CCT3: variants seen among roughly 807,000 people sequenced by gnomAD.
CCT3 encodes T-complex protein 1 subunit gamma.
CCT3 carries 10 observed loss-of-function variants against 65.3 expected under a neutral mutation model. That is an observed-to-expected ratio of 0.15 (90% CI 0.09 to 0.26). The LOEUF (loss-of-function observed/expected upper bound fraction) is 0.26, where lower values mean the gene tolerates loss of function less well. Ranked by LOEUF, CCT3 falls within the 10% of genes least tolerant of loss-of-function variation. The pLI is 1.00. For synonymous variants in CCT3, 225 were observed against 242.3 expected (o/e 0.93, Z 0.66); for missense variants, 626 against 708.7 (o/e 0.88, Z 1.33).
At chr1:156,324,545 C>T (rs1664720752) in intron 6 of CCT3, among the ~76,000 whole-genome samples, 1 of 152,084 alleles carries the variant, frequency 6.6e-6, no homozygotes, top group Admixed American at 6.6e-5. Flanking sequence ...GATCTTGGCT[C>T]ACTGCAATCT....
At chr1:156,330,230 C>CCT (rs1665050707) in intron 5 of CCT3, among the ~76,000 whole-genome samples, 1 of 152,204 alleles carries the variant, frequency 6.6e-6, no homozygotes, top group African/African-American at 2.4e-5. Context: ...TTTCCTCCCT[C>CCT]CTCTTTCATC....
intron 5 of CCT3, among the ~76,000 whole-genome samples, chr1:156,326,905 G>A (rs1310851126): frequency 2.0e-5 from 3 of 152,054 alleles, no homozygotes; most frequent in African/African-American, 7.2e-5. Context: ...AATTAGCCAG[G>A]TGTGTTGGTG....
intron 5 of CCT3, among the ~76,000 whole-genome samples, chr1:156,330,106 T>C (rs1188765785): frequency 2.6e-5 from 4 of 152,218 alleles, no homozygotes; most frequent in African/African-American, 7.2e-5. Flanking sequence ...GGATACTTAT[T>C]CTACCCACTA....
Position 156,309,135 on chromosome 1 carries a change from A to C in CCT3, c.*64T>G, listed in dbSNP as rs895197444. 2.8e-6 allele frequency: 3 copies of C among 1,090,264 alleles called. No individual in the cohort carries two copies. The African/African-American group carries it at 4.6e-5, about 17-fold the overall frequency. 67.5% of individuals were successfully genotyped at this position (1,090,264 alleles called of 1,614,324 possible). On this transcript the variant is annotated 3_prime_UTR_variant, in exon 14 of 14. Coordinates refer to ENST00000295688, the MANE Select transcript of CCT3 (RefSeq NM_005998.5). ...CAAAGACGTCCACAGTGTTCCTGGC[A>C]CTCTGGCTCAGGAAAAGGGGAGACT...
rs566064505 is a variant in CCT3, at chr1:156,330,367, T to A, written c.304+3180A>T. Reference sequence around the variant, plus strand: ...TTTATTCAACTCACCATTCTTAAAATGCAGTACAATAGGGCCAGGCGCTAT... The same window carrying A: ...TTTATTCAACTCACCATTCTTAAAAAGCAGTACAATAGGGCCAGGCGCTAT... On this transcript the variant is annotated intron_variant, in intron 5 of 13. Transcript: ENST00000295688. 1.2e-4 allele frequency among the ~76,000 whole-genome samples: 19 copies of A among 152,234 alleles called. No homozygotes were observed. The South Asian group carries it at 3.9e-3, about 32-fold the overall frequency.
At chr1:156,319,319 T>C (rs572141096) in intron 7 of CCT3, among the ~76,000 whole-genome samples, 21 of 151,852 alleles carry the variant, frequency 1.4e-4, no homozygotes, top group Non-Finnish European at 2.8e-4. Flanking sequence ...GGTTTCACCA[T>C]GTTAGCCAGG....
intron 7 of CCT3, among the ~76,000 whole-genome samples, chr1:156,319,556 C>A (rs1172823206): frequency 6.6e-6 from 1 of 152,036 alleles, no homozygotes; most frequent in East Asian, 1.9e-4. Flanking sequence ...CACTGAAATT[C>A]AATGACTTGA....
rs1369382407 is a variant in CCT3 at position 156,309,146 on chromosome 1, G to T, written c.*53C>A. 2 of 1,237,894 alleles carry T rather than the reference G, an allele frequency of 1.6e-6. No individual in the cohort carries two copies. The highest frequency in any genetic ancestry group is 2.4e-6 in the Non-Finnish European group (2 of 838,786). The allele number at this position is 1,237,894 out of a possible 1,614,324, so 76.7% of individuals were successfully genotyped here. A position where few individuals can be genotyped will look rare whatever the true frequency, so the allele number is the denominator to read the frequency against. ...ACAGTGTTCCTGGCACTCTGGCTCA[G>T]GAAAAGGGGAGACTCTGCTGGTTCT... is the stretch of plus-strand genomic sequence containing the variant. On this transcript the variant is annotated 3_prime_UTR_variant, in exon 14 of 14. Coordinates refer to ENST00000295688, the MANE Select transcript of CCT3 (RefSeq NM_005998.5).
At chr1:156,325,183 C>A in intron 5 of CCT3, 94 bp from the exon 6 acceptor site, 1 of 872,252 alleles carries the variant, frequency 1.1e-6, no homozygotes, top group South Asian at 1.4e-5. Context: ...TCTCCTAAAT[C>A]AGACTCTCCC....
In CCT3 at chr1:156,333,021, C is replaced by T. The variant is rs560842177; in HGVS notation, c.304+526G>A. 35 of 166,330 alleles carry T rather than the reference C, an allele frequency of 2.1e-4. No homozygotes were observed. The South Asian group carries it at 3.4e-3, about 16-fold the overall frequency. 10.3% of individuals were successfully genotyped at this position (166,330 alleles called of 1,614,324 possible). On this transcript the variant is annotated intron_variant, in intron 5 of 13. Coordinates refer to ENST00000295688, the MANE Select transcript of CCT3 (RefSeq NM_005998.5). ...TCAGTGTTTGTGGTGACTTTATAGG[C>T]GTGGTGGCTCACGCCTGTAATCCCA...
intron 1 of CCT3, chr1:156,336,095 T>G (rs1380169036): frequency 2.3e-6 from 1 of 435,172 alleles, no homozygotes; most frequent in African/African-American, 2.0e-5. Flanking sequence ...CTTATGGCTG[T>G]TAACTTCCTT....
At chr1:156,327,623 C>T (rs1476617351) in intron 5 of CCT3, among the ~76,000 whole-genome samples, 1 of 152,054 alleles carries the variant, frequency 6.6e-6, no homozygotes, top group Non-Finnish European at 1.5e-5. Context: ...AGTGCAGTGG[C>T]GTGATCTCGG....
At chr1:156,324,425 G>A (rs1427812797) in intron 6 of CCT3, among the ~76,000 whole-genome samples, 4 of 152,088 alleles carry the variant, frequency 2.6e-5, no homozygotes, top group East Asian at 1.9e-4. Context: ...TCTACGTGAT[G>A]TTAAACCTTA....
intron 8 of CCT3, among the ~76,000 whole-genome samples, chr1:156,317,812 G>T (rs974886503): frequency 6.6e-6 from 1 of 151,530 alleles, no homozygotes. Flanking sequence ...GGGTTCAAGC[G>T]ATTCTCCTGC....
intron 13 of CCT3, 131 bp from the exon 14 acceptor site, chr1:156,309,434 A>AT (rs1038115746): frequency 8.2e-4 from 515 of 630,088 alleles, no homozygotes; most frequent in East Asian, 1.2e-3. Flanking sequence ...TCAGTCTTTT[A>AT]TTTTTTTTTG....
At position 156,327,481 on chromosome 1, in the gene CCT3, C is replaced by A. The variant is rs1171439853; in HGVS notation, c.305-2392G>T. Among the ~76,000 whole-genome samples, 4 of 152,146 alleles carry A rather than the reference C, an allele frequency of 2.6e-5. No individual in the cohort carries two copies. The East Asian group carries it at 7.7e-4, about 29-fold the overall frequency. ...GGTTTTCGTATTTTTTTGGTGGAGACGGGGTTTCGCTGTGTTGGCCGGGCT... is the reference window on the plus strand; with the variant it reads ...GGTTTTCGTATTTTTTTGGTGGAGAAGGGGTTTCGCTGTGTTGGCCGGGCT... On this transcript the variant is annotated intron_variant, in intron 5 of 13. Transcript: ENST00000295688.
At chr1:156,325,859 A>C (rs1470888461) in intron 5 of CCT3, among the ~76,000 whole-genome samples, 1 of 152,104 alleles carries the variant, frequency 6.6e-6, no homozygotes, top group Non-Finnish European at 1.5e-5. Context: ...CTGGGATTAC[A>C]GGCGTAAGCT....
In CCT3 at chr1:156,335,836, A is replaced by G; in HGVS notation, c.84T>C (p.Asn28=). The stretch of plus-strand genomic sequence containing the variant: ...TTAAAAGATTTGTGACCTTGGCAGC[A>G]TTGATGTTTCCAGATTGAACTTTTC... ...SGRKVQSGNI[N]AAKTIADIIR... is the part of the protein sequence containing the mutation. Residue 28 remains asparagine (N), a synonymous_variant, in exon 2 of 14, where the codon AAT becomes AAC. Transcript: ENST00000295688. 1 of 1,613,968 alleles carries G rather than the reference A, an allele frequency of 6.2e-7. No individual in the cohort carries two copies. The highest frequency in any genetic ancestry group is 8.5e-7 in the Non-Finnish European group (1 of 1,179,868).
At chr1:156,328,160 C>T (rs1664931402) in intron 5 of CCT3, among the ~76,000 whole-genome samples, 2 of 138,998 alleles carry the variant, frequency 1.4e-5, no homozygotes, top group Non-Finnish European at 3.2e-5. Flanking sequence ...AAGTGAGGAG[C>T]CCCTCTGCCC....
Sources: gnomAD v4.1 joint callset for allele counts (sites outside exome capture counted in the v4.1 genomes callset) on GRCh38, gnomAD v4.1.1 for gene constraint, MANE v1.5 for transcripts, NCBI Gene and HGNC (gene_info 2026-07-23, HGNC 2026-07-21) for gene names.